Variants in NEGR1 observed in about 807,000 individuals in gnomAD.
The protein encoded by NEGR1 is neuronal growth regulator 1, also known as IgLON family member 4.
Under a neutral mutation model 40.9 loss-of-function variants are expected in NEGR1, and 10 were observed. The ratio of observed to expected loss-of-function variants is 0.24; its 90% CI spans 0.15 to 0.42. NEGR1 has a LOEUF of 0.42. NEGR1 is among the 10% of genes least tolerant of loss of function. NEGR1 has a pLI of 1.00. For missense variants in NEGR1, 352 were observed against 438.9 expected (o/e 0.80, Z 1.77); for synonymous variants, 185 against 166.8 (o/e 1.11, Z -0.84).
At chr1:71,738,935 A>G (rs1363035154) in intron 3 of NEGR1, among the ~76,000 whole-genome samples, 10 of 152,092 alleles carry the variant, frequency 6.6e-5, no homozygotes. Flanking sequence ...TATTCAGTTT[A>G]AATTACCAAA....
intron 6 of NEGR1, among the ~76,000 whole-genome samples, chr1:71,413,778 T>G (rs1646338495): frequency 6.6e-6 from 1 of 152,108 alleles, no homozygotes; most frequent in Non-Finnish European, 1.5e-5. Context: ...AACAGGAAGA[T>G]CCACTCTGGG....
intron 2 of NEGR1, among the ~76,000 whole-genome samples, chr1:71,810,770 C>G (rs529504660): frequency 7.7e-4 from 117 of 152,162 alleles, no homozygotes; most frequent in Middle Eastern, 3.4e-3. Flanking sequence ...CTGCTCCAGC[C>G]ATGGAAAATG....
At chr1:72,067,595 G>T (rs571047059) in intron 1 of NEGR1, among the ~76,000 whole-genome samples, 1 of 152,184 alleles carries the variant, frequency 6.6e-6, no homozygotes, top group Non-Finnish European at 1.5e-5. Flanking sequence ...GTTTTACACT[G>T]AGTAACTTTC....
intron 2 of NEGR1, among the ~76,000 whole-genome samples, chr1:71,861,616 T>C (rs1433139018): frequency 6.6e-6 from 1 of 152,028 alleles, no homozygotes; most frequent in Non-Finnish European, 1.5e-5. Context: ...CAGTAAGTAA[T>C]GAGAAAGGAA....
chr1:72,040,568 A>G (rs955081099), intron 1 of NEGR1, among the ~76,000 whole-genome samples: 1 of 131,516 alleles, frequency 7.6e-6, no homozygotes, highest in Non-Finnish European at 1.6e-5. Context: ...GCACAGTAAG[A>G]GCACTGACCA....
chr1:72,012,015 T>G (rs1033513024), intron 1 of NEGR1, among the ~76,000 whole-genome samples: 1 of 152,090 alleles, frequency 6.6e-6, no homozygotes, highest in African/African-American at 2.4e-5. Flanking sequence ...AAAGGGAAGT[T>G]AGCTTTGTAT....
intron 6 of NEGR1, among the ~76,000 whole-genome samples, chr1:71,570,348 C>A (rs1648770608): frequency 6.6e-6 from 1 of 152,104 alleles, no homozygotes; most frequent in African/African-American, 2.4e-5. Flanking sequence ...AACTATAGCT[C>A]ATTGGGGGTT....
intron 1 of NEGR1, among the ~76,000 whole-genome samples, chr1:72,200,164 A>G (rs114338592): frequency 0.017 from 2,600 of 152,052 alleles, 61 homozygotes; most frequent in African/African-American, 0.06. Context: ...CAATCCTACT[A>G]TTGGGTATTT....
intron 1 of NEGR1, among the ~76,000 whole-genome samples, chr1:72,237,924 G>C (rs954529610): frequency 6.6e-6 from 1 of 151,918 alleles, no homozygotes; most frequent in Admixed American, 6.6e-5. Context: ...CATTAAATGA[G>C]ATAACTTAGC....
chr1:72,234,130 C>T (rs962239215), intron 1 of NEGR1, among the ~76,000 whole-genome samples: 2 of 152,056 alleles, frequency 1.3e-5, no homozygotes, highest in Admixed American at 1.3e-4. Context: ...TCCTCTCTCA[C>T]CTTTCAACCT....
chr1:72,110,565 T>G (rs933297774), intron 1 of NEGR1, among the ~76,000 whole-genome samples: 66 of 151,628 alleles, frequency 4.4e-4, no homozygotes, highest in African/African-American at 1.6e-3. Flanking sequence ...TTTAAAAACT[T>G]CAGTTTATTC....
At chr1:71,996,277 T>G (rs1288362077) in intron 1 of NEGR1, among the ~76,000 whole-genome samples, 1 of 152,150 alleles carries the variant, frequency 6.6e-6, no homozygotes, top group East Asian at 1.9e-4. Context: ...CACATTCACC[T>G]ACTTGCAGCC....
chr1:72,170,501 G>A (rs1204384042), intron 1 of NEGR1, among the ~76,000 whole-genome samples: 1 of 152,112 alleles, frequency 6.6e-6, no homozygotes, highest in Non-Finnish European at 1.5e-5. Flanking sequence ...AATGGAATCT[G>A]GAATGAGCAG....
At chr1:71,682,793 C>A (rs1652883555) in intron 4 of NEGR1, among the ~76,000 whole-genome samples, 1 of 152,118 alleles carries the variant, frequency 6.6e-6, no homozygotes, top group Admixed American at 6.5e-5. Context: ...GTACCTTCCT[C>A]TTGGCAATGA....
chr1:71,595,804 G>A (rs1649677466), intron 5 of NEGR1, among the ~76,000 whole-genome samples: 1 of 152,032 alleles, frequency 6.6e-6, no homozygotes, highest in Non-Finnish European at 1.5e-5. Context: ...ATATAAATTT[G>A]AGCCACAGCT....
At position 72,075,164 on chromosome 1, in the gene NEGR1, A is replaced by C. The variant is rs547901867; in HGVS notation, c.177-139853T>G. Among the ~76,000 whole-genome samples, 121 of 152,276 alleles carry C rather than the reference A, an allele frequency of 7.9e-4. 1 individual carries two copies. Among genetic ancestry groups the C allele is most frequent in the African/African-American group, 2.8e-3 (115 of 41,576 alleles). On this transcript the variant is annotated intron_variant, in intron 1 of 6. Transcript: ENST00000357731. ...ATTACAATATTTCAAACCACCACAT[A>C]GATATAGAGAAGCTTAGTAAATATT...
intron 6 of NEGR1, among the ~76,000 whole-genome samples, chr1:71,566,650 T>C (rs1648627175): frequency 6.6e-6 from 1 of 152,176 alleles, no homozygotes; most frequent in Non-Finnish European, 1.5e-5. Context: ...AGATAGTAAA[T>C]ATTTTTGGCT....
intron 1 of NEGR1, among the ~76,000 whole-genome samples, chr1:72,010,333 G>C (rs1646645257): frequency 6.6e-6 from 1 of 151,976 alleles, no homozygotes; most frequent in African/African-American, 2.4e-5. Flanking sequence ...AGAAACCAGA[G>C]GAAAAGTAGT....
chr1:71,417,289 A>G (rs896906489), intron 6 of NEGR1, among the ~76,000 whole-genome samples: 3 of 152,158 alleles, frequency 2.0e-5, no homozygotes, highest in Admixed American at 6.5e-5. Context: ...TGGTACCATC[A>G]AACTATTTAT....
Sources: allele counts gnomAD v4.1 joint callset (sites outside exome capture counted in the v4.1 genomes callset), GRCh38; gene constraint gnomAD v4.1.1; transcripts MANE v1.5; gene names NCBI Gene and HGNC (gene_info 2026-07-23, HGNC 2026-07-21).